The following FHOD1 variants were observed in gnomAD, a reference collection of about 807,000 sequenced individuals.
FHOD1 encodes formin homology 2 domain containing 1.
FHOD1 carries 89 observed loss-of-function variants against 111.6 expected under a neutral mutation model. The observed-to-expected ratio is 0.80, with a 90% CI of 0.67 to 0.95. FHOD1 has a LOEUF of 0.95. FHOD1 is among the 40% of genes least tolerant of loss of function. FHOD1 has a pLI of 0.00. For synonymous variants in FHOD1, 618 were observed against 639.0 expected (o/e 0.97, Z 0.50); for missense variants, 1,446 against 1,554.2 (o/e 0.93, Z 1.17).
intron 11 of FHOD1, chr16:67,236,076 A>AG: frequency 1.0e-6 from 1 of 967,194 alleles, no homozygotes; most frequent in Non-Finnish European, 1.2e-6. Flanking sequence ...GGCCCTGGGT[A>AG]GGGGGGATGA....
chr16:67,244,044 C>T (rs2034740716), intron 1 of FHOD1, among the ~76,000 whole-genome samples: 1 of 152,140 alleles, frequency 6.6e-6, no homozygotes, highest in Non-Finnish European at 1.5e-5. Context: ...GGTCAGGAAA[C>T]ATTCCAGGAC....
chr16:67,247,441 C>T lies in FHOD1; in HGVS notation c.-31G>A. The T allele has an allele frequency of 1.2e-6, 2 of 1,607,324 alleles. No homozygotes were observed. The highest frequency in any genetic ancestry group is 1.7e-6 in the Non-Finnish European group (2 of 1,176,992). ...TGCGGCCGGCTCACGCAGCGCGCCT[C>T]CGAGTCCCGGCCCCAGTGCAGCTTC... On this transcript the variant is annotated 5_prime_UTR_variant, in exon 1 of 22. Coordinates refer to ENST00000258201, the MANE Select transcript of FHOD1 (RefSeq NM_013241.3).
At chr16:67,230,544 CTTA>C in intron 18 of FHOD1, 38 bp from the exon 19 acceptor site, 1 of 1,613,486 alleles carries the variant, frequency 6.2e-7, no homozygotes, top group Non-Finnish European at 8.5e-7. Context: ...GTAAGTCCTG[CTTA>C]TTGTCTGAGG....
Position 67,237,488 on chromosome 16 carries a change from G to T in FHOD1, c.836C>A (p.Thr279Asn), listed in dbSNP as rs372012238. ...CCTTGGCCACACCTTGTTGATGAGG[G>T]TGACCGTGTACACCAACAACTCAGG... Reference protein sequence around the residue: ...ADPELLVYTVTLINKTLAALP... With the variant: ...ADPELLVYTVNLINKTLAALP... Residue 279 changes from threonine to asparagine, a missense_variant, in exon 8 of 22, where the codon ACC (threonine) becomes AAC (asparagine). Physicochemically the swap from Thr to Asn is moderately conservative, Grantham distance 65 (BLOSUM62 0). Coordinates refer to ENST00000258201, the MANE Select transcript of FHOD1 (RefSeq NM_013241.3). This position sits in a 1 kb window ranked among gnomAD's most constrained non-coding sequence, Gnocchi z 5.6. 2.5e-5 allele frequency: 41 copies of T among 1,614,048 alleles called. No individual in the cohort carries two copies. Among genetic ancestry groups the T allele is most frequent in the Non-Finnish European group, 3.4e-5 (40 of 1,180,028 alleles).
At chr16:67,242,327 C>T (rs1442308720) in intron 1 of FHOD1, among the ~76,000 whole-genome samples, 1 of 152,174 alleles carries the variant, frequency 6.6e-6, no homozygotes, top group East Asian at 1.9e-4. Context: ...TGCCAGGGCC[C>T]CATTTCTGGG....
chr16:67,244,062 C>CCCCT, intron 1 of FHOD1, among the ~76,000 whole-genome samples: 1 of 152,242 alleles, frequency 6.6e-6, no homozygotes, highest in South Asian at 2.1e-4. Flanking sequence ...GACAGTGCCA[C>CCCCT]CCCTGTCCTA....
chr16:67,236,679 C>T lies in FHOD1; in HGVS notation c.1197G>A (p.Leu399=), dbSNP rs1336472782. ...VGPTSSTGPA[L]LTGPASSPVG... is the part of the protein sequence containing the mutation. The stretch of plus-strand genomic sequence containing the variant: ...CAGGGCTGGAGGCGGGGCCTGTCAG[C>T]AGGGCGGGGCCGGTGGAAGAGGTGG... The change falls in exon 11 of 22, where the codon CTG becomes CTA. Residue 399 remains leucine, a synonymous_variant. Coordinates refer to ENST00000258201, the MANE Select transcript of FHOD1 (RefSeq NM_013241.3). The T allele has an allele frequency of 6.3e-7, 1 of 1,597,810 alleles. No individual in the cohort carries two copies. Among genetic ancestry groups the T allele is most frequent in the Non-Finnish European group, 8.5e-7 (1 of 1,172,298 alleles).
chr16:67,239,501 C>A, intron 1 of FHOD1, 47 bp from the exon 2 acceptor site: 2 of 1,441,800 alleles, frequency 1.4e-6, no homozygotes, highest in Non-Finnish European at 9.8e-7. Flanking sequence ...AGGTGGCAGG[C>A]GAATGTATGA....
Position 67,238,850 on chromosome 16 carries a change from A to G in FHOD1, c.373+53T>C, listed in dbSNP as rs1047547939. The G allele has an allele frequency of 1.9e-6, 3 of 1,578,490 alleles. No individual in the cohort carries two copies. Among genetic ancestry groups the G allele is most frequent in the Non-Finnish European group, 2.6e-6 (3 of 1,147,490 alleles). The stretch of plus-strand genomic sequence containing the variant: ...TCAGCACAGGCCTGAAGGTGAGCCA[A>G]CTGGGCTATGGGGAGGAGGTGCTGC... On this transcript the variant is annotated intron_variant, in intron 3 of 21. Coordinates refer to ENST00000258201, the MANE Select transcript of FHOD1 (RefSeq NM_013241.3). The surrounding 1 kb of genome is among the most constrained non-coding windows in gnomAD (Gnocchi z 4.2).
At chr16:67,239,635 C>G (rs1196205940) in intron 1 of FHOD1, among the ~76,000 whole-genome samples, 181 bp from the exon 2 acceptor site, 1 of 152,242 alleles carries the variant, frequency 6.6e-6, no homozygotes, top group Non-Finnish European at 1.5e-5. Flanking sequence ...CCATCTGTGT[C>G]AGGCACCAGG....
At chr16:67,232,638 C>G (rs964814212) in intron 13 of FHOD1, among the ~76,000 whole-genome samples, 3 of 151,858 alleles carry the variant, frequency 2.0e-5, no homozygotes, top group Non-Finnish European at 2.9e-5. Context: ...AAACTGGCAA[C>G]CTGGAATGTG....
intron 1 of FHOD1, among the ~76,000 whole-genome samples, chr16:67,242,316 C>A (rs1048620831): frequency 1.3e-5 from 2 of 152,208 alleles, no homozygotes; most frequent in Non-Finnish European, 2.9e-5. Flanking sequence ...CTGTCCAATC[C>A]TGCCAGGGCC....
At chr16:67,235,637 CTG>C (rs1250479637) in intron 11 of FHOD1, among the ~76,000 whole-genome samples, 1 of 152,154 alleles carries the variant, frequency 6.6e-6, no homozygotes, top group Non-Finnish European at 1.5e-5. Context: ...CCTCCAGCCT[CTG>C]TCAGCTCTCA....
At chr16:67,246,591 C>T (rs944592721) in intron 1 of FHOD1, among the ~76,000 whole-genome samples, 1 of 152,152 alleles carries the variant, frequency 6.6e-6, no homozygotes, top group Admixed American at 6.5e-5. Flanking sequence ...GGGGCGGGAG[C>T]GGTGACTCAA....
At chr16:67,241,953 T>A (rs2034679514) in intron 1 of FHOD1, among the ~76,000 whole-genome samples, 1 of 152,036 alleles carries the variant, frequency 6.6e-6, no homozygotes, top group African/African-American at 2.4e-5. Context: ...GGAAGGGTCC[T>A]GAAGGTTAAA....
chr16:67,235,774 GTGTCCACAT>G (rs1312179094), intron 11 of FHOD1, among the ~76,000 whole-genome samples: 1 of 152,184 alleles, frequency 6.6e-6, no homozygotes. Context: ...CCCAGGTTGG[GTGTCCACAT>G]CCCCATCTCT....
Position 67,229,950 on chromosome 16 carries a change from C to G in FHOD1, c.3255G>C (p.Gly1085=), listed in dbSNP as rs1187594734. 6 of 1,614,062 alleles carry G rather than the reference C, an allele frequency of 3.7e-6. No individual in the cohort carries two copies. In the Admixed American group the frequency reaches 1.0e-4, roughly 27 times the overall value. ...QSSSPIMPTV[G]PSTASPEEPP... is the part of the protein sequence containing the mutation. ...GTTCTTCTGGGGATGCAGTGGAGGG[C>G]CCCACTGTGGGCATGATTGGGGAGC... The change falls in exon 21 of 22, where the codon GGG becomes GGC. Residue 1085 remains glycine, a synonymous_variant. Coordinates refer to ENST00000258201, the MANE Select transcript of FHOD1 (RefSeq NM_013241.3).
chr16:67,239,326 C>A (rs2034601867), intron 2 of FHOD1, 22 bp downstream of exon 2: 1 of 1,597,210 alleles, frequency 6.3e-7, no homozygotes, highest in African/African-American at 1.3e-5. Flanking sequence ...AACCTTGCCT[C>A]CCTGGCCCCA....
intron 1 of FHOD1, among the ~76,000 whole-genome samples, chr16:67,243,792 C>G (rs558087787): frequency 6.6e-6 from 1 of 152,322 alleles, no homozygotes; most frequent in African/African-American, 2.4e-5. Context: ...AGTAAGGGAA[C>G]ACCAATAGAC....
Sources: gnomAD v4.1 joint callset for allele counts (sites outside exome capture counted in the v4.1 genomes callset) on GRCh38, gnomAD v4.1.1 for gene constraint, Gnocchi (gnomAD v3.1) non-coding constraint, MANE v1.5 for transcripts, NCBI Gene and HGNC (gene_info 2026-07-23, HGNC 2026-07-21) for gene names.